TTC33: variants seen among roughly 807,000 people sequenced by gnomAD.
TTC33 encodes the protein tetratricopeptide repeat domain 33, also known as tetratricopeptide repeat protein 33.
A neutral mutation model predicts 29.4 loss-of-function variants in TTC33; 24 were observed. The ratio of observed to expected loss-of-function variants is 0.82; its 90% confidence interval spans 0.59 to 1.15. The LOEUF is 1.15. Among genes scored for constraint, TTC33 ranks in the 50% most tolerant of loss-of-function variants. The pLI, the probability that TTC33 is intolerant of heterozygous loss-of-function variation, is 0.00. For missense variants in TTC33, 286 were observed against 310.4 expected, an observed-to-expected ratio of 0.92 and a Z score of 0.59; for synonymous variants, 107 against 100.3, an observed-to-expected ratio of 1.07 and a Z score of -0.40.
At chr5:40,716,525 T>C in intron 4 of TTC33, 27 bp from the exon 5 acceptor site, 1 of 1,517,494 alleles carries the variant, frequency 6.6e-7, no homozygotes, top group Non-Finnish European at 8.9e-7. Context: ...GAGTTTTTTG[T>C]TTTGGTTTTA....
At chr5:40,750,333 G>A (rs746783984) in intron 1 of TTC33, among the ~76,000 whole-genome samples, 1 of 152,076 alleles carries the variant, frequency 6.6e-6, no homozygotes, top group Non-Finnish European at 1.5e-5. Context: ...ACTTTGTGAG[G>A]CTAAGGCAGG....
intron 4 of TTC33, among the ~76,000 whole-genome samples, chr5:40,719,733 T>C (rs1431435179): frequency 2.0e-5 from 3 of 152,222 alleles, no homozygotes; most frequent in African/African-American, 4.8e-5. Context: ...TTTTTTATGA[T>C]AGTGAATGTG....
intron 4 of TTC33, among the ~76,000 whole-genome samples, chr5:40,719,662 C>A (rs1386554630): frequency 2.6e-5 from 4 of 152,142 alleles, no homozygotes; most frequent in Admixed American, 6.5e-5. Context: ...TACATTCCCA[C>A]CAGCAATGGA....
chr5:40,720,943 GACC>G (rs1742117847), intron 4 of TTC33, among the ~76,000 whole-genome samples: 2 of 152,072 alleles, frequency 1.3e-5, no homozygotes, highest in African/African-American at 2.4e-5. Context: ...CTGTTTTTTG[GACC>G]ACTGTTAAAA....
chr5:40,740,290 T>C (rs1050862423), intron 2 of TTC33, among the ~76,000 whole-genome samples: 1 of 151,760 alleles, frequency 6.6e-6, no homozygotes. Flanking sequence ...ATGATTTTCC[T>C]TCTATGTAAA....
intron 1 of TTC33, among the ~76,000 whole-genome samples, chr5:40,755,205 C>CA (rs1742963125): frequency 6.6e-6 from 1 of 152,178 alleles, no homozygotes; most frequent in Non-Finnish European, 1.5e-5. Context: ...ACCCAGCCGC[C>CA]AGAGAGGGCT....
At chr5:40,732,958 G>A (rs1251853066) in intron 2 of TTC33, among the ~76,000 whole-genome samples, 1 of 151,984 alleles carries the variant, frequency 6.6e-6, no homozygotes, top group Non-Finnish European at 1.5e-5. Context: ...TCCAAGTCCT[G>A]AAGGCAGCAG....
In TTC33 at chr5:40,714,063, C is replaced by T. The variant is rs148606007; in HGVS notation, c.*2082G>A. 1.3e-5 allele frequency among the ~76,000 whole-genome samples: 2 copies of T among 152,268 alleles called. No individual in the cohort carries two copies. The highest frequency in any genetic ancestry group is 2.9e-5 in the Non-Finnish European group (2 of 68,008). On this transcript the variant is annotated 3_prime_UTR_variant, in exon 5 of 5. Transcript: ENST00000337702. ...GTAAGAAAGAGACTAACTTGGCCTA[C>T]CATGCCAGTACAGAGGAAACACTAG... is the stretch of plus-strand genomic sequence containing the variant.
At chr5:40,724,648 A>C (rs1742236635) in intron 4 of TTC33, among the ~76,000 whole-genome samples, 1 of 151,824 alleles carries the variant, frequency 6.6e-6, no homozygotes. Flanking sequence ...AACAAAAAAC[A>C]AACAAACAAA....
chr5:40,725,764 C>T (rs72747959), intron 4 of TTC33, among the ~76,000 whole-genome samples: 5,431 of 151,542 alleles, frequency 0.036, 133 homozygotes, highest in Non-Finnish European at 0.056. Context: ...ATTTTTAACT[C>T]CCAGAACCAT....
intron 2 of TTC33, among the ~76,000 whole-genome samples, chr5:40,745,048 C>T (rs1051066829): frequency 2.6e-5 from 4 of 152,150 alleles, no homozygotes; most frequent in Admixed American, 2.0e-4. Flanking sequence ...ATGATACACA[C>T]AAGGAAGCAA....
intron 4 of TTC33, among the ~76,000 whole-genome samples, chr5:40,725,674 T>C (rs1561145581): frequency 6.6e-6 from 1 of 152,010 alleles, no homozygotes; most frequent in Non-Finnish European, 1.5e-5. Context: ...CCTTTCCCAG[T>C]CTCCTTCCCT....
chr5:40,730,410 T>C (rs578257469), intron 2 of TTC33, 67 bp from the exon 3 acceptor site: 5 of 1,270,638 alleles, frequency 3.9e-6, no homozygotes, highest in South Asian at 2.5e-5. Flanking sequence ...CAAAAAAAAA[T>C]TTTTATTGTA....
chr5:40,739,621 C>T (rs866492480), intron 2 of TTC33, among the ~76,000 whole-genome samples: 2 of 152,194 alleles, frequency 1.3e-5, no homozygotes, highest in Non-Finnish European at 2.9e-5. Context: ...CTGGCTCCTA[C>T]CTTTGCCTTC....
intron 4 of TTC33, among the ~76,000 whole-genome samples, chr5:40,727,149 GA>G (rs1246666340): frequency 6.6e-6 from 1 of 152,022 alleles, no homozygotes; most frequent in Admixed American, 6.5e-5. Flanking sequence ...AAGAATGCCA[GA>G]AAAAAAGCTC....
intron 4 of TTC33, among the ~76,000 whole-genome samples, chr5:40,727,744 T>C (rs895760909): frequency 2.0e-5 from 3 of 152,202 alleles, no homozygotes; most frequent in Admixed American, 2.0e-4. Context: ...AGTTGCCTAT[T>C]GTCTATTTAA....
At chr5:40,721,145 C>A (rs1056959720) in intron 4 of TTC33, among the ~76,000 whole-genome samples, 7 of 152,098 alleles carry the variant, frequency 4.6e-5, no homozygotes, top group African/African-American at 1.4e-4. Context: ...ATGGGGACTA[C>A]CAAAAGGACT....
intron 1 of TTC33, among the ~76,000 whole-genome samples, chr5:40,747,642 T>G (rs998102912): frequency 8.5e-5 from 13 of 152,088 alleles, no homozygotes; most frequent in African/African-American, 3.1e-4. Flanking sequence ...ACATCAGAGA[T>G]GCAGATAGCA....
Position 40,747,342 on chromosome 5 carries a change from G to A in TTC33, c.-1-323C>T, listed in dbSNP as rs190059435. ...CAAAGTGCTGGGATTACAAGCATGA[G>A]CCACCACGCCCGGCCCAAAACTTGG... On this transcript the variant is annotated intron_variant, in intron 1 of 4. Transcript: ENST00000337702. 1.1e-4 allele frequency among the ~76,000 whole-genome samples: 17 copies of A among 152,234 alleles called. No individual in the cohort carries two copies. In the East Asian group the frequency reaches 2.9e-3, roughly 26 times the overall value.
Sources: gnomAD v4.1 joint callset for allele counts (sites outside exome capture counted in the v4.1 genomes callset) on GRCh38, gnomAD v4.1.1 for gene constraint, MANE v1.5 for transcripts, NCBI Gene and HGNC (gene_info 2026-07-23, HGNC 2026-07-21) for gene names.